NFKBIA: variants seen among roughly 807,000 people sequenced by gnomAD.
The protein encoded by NFKBIA is NF-kappa-B inhibitor alpha.
Under a neutral mutation model 36.3 loss-of-function variants are expected in NFKBIA, and 10 were observed. The observed-to-expected ratio is 0.28, with a 90% CI of 0.17 to 0.47. The LOEUF is 0.47. Ranked by LOEUF, NFKBIA falls within the 20% of genes least tolerant of loss-of-function variation. NFKBIA has a pLI of 0.99. For missense variants in NFKBIA, 355 were observed against 399.3 expected (o/e 0.89, Z 0.94); for synonymous variants, 205 against 164.4 (o/e 1.25, Z -1.89).
intron 1 of NFKBIA, chr14:35,404,033 T>G: frequency 1.8e-6 from 1 of 542,774 alleles, no homozygotes; most frequent in South Asian, 2.0e-5. Flanking sequence ...TCCCGCCAGC[T>G]CGGAACGCCC....
rs961227054 is a variant in NFKBIA at position 35,401,937 on chromosome 14, T to G, written c.*76A>C. The G allele has an allele frequency of 5.1e-6, 8 of 1,566,174 alleles. No individual in the cohort carries two copies. The African/African-American group carries it at 1.1e-4, about 21-fold the overall frequency. ...GTACACCCTTTAAATTTTTTCTTCT[T>G]TTTTCTTTTTTTAGAAAAATAAAAC... is the stretch of plus-strand genomic sequence containing the variant. On this transcript the variant is annotated 3_prime_UTR_variant, in exon 6 of 6. Coordinates refer to ENST00000216797, the MANE Select transcript of NFKBIA (RefSeq NM_020529.3).
rs796572462 is a variant in NFKBIA at position 35,401,935 on chromosome 14, CTTT to C, written c.*75_*77del. On this transcript the variant is annotated 3_prime_UTR_variant, in exon 6 of 6. Transcript: ENST00000216797. ...AAGTACACCCTTTAAATTTTTTCTT[CTTT>C]TTTCTTTTTTTAGAAAAATAAAACT... is the stretch of plus-strand genomic sequence containing the variant. 1.1e-5 allele frequency: 17 copies of C among 1,547,426 alleles called. No individual in the cohort carries two copies. The highest frequency in any genetic ancestry group is 2.3e-5 in the East Asian group (1 of 43,744).
In NFKBIA at chr14:35,404,686, C is replaced by A. The variant is rs1203824461; in HGVS notation, c.-42G>T. On this transcript the variant is annotated 5_prime_UTR_variant, in exon 1 of 6. Coordinates refer to ENST00000216797, the MANE Select transcript of NFKBIA (RefSeq NM_020529.3). ...GGGCGCTGCTGCGGGTGCGCTGGGC[C>A]GCGGGCTGCGCGCTGCTTCCTCGCT... is the stretch of plus-strand genomic sequence containing the variant. The A allele has an allele frequency of 6.1e-6, 8 of 1,312,448 alleles. No homozygotes were observed. In the East Asian group the frequency reaches 2.5e-4, roughly 41 times the overall value. The allele number at this position is 1,312,448 out of a possible 1,614,324, so 81.3% of individuals were successfully genotyped here. A position where few individuals can be genotyped will look rare whatever the true frequency, so the allele number is the denominator to read the frequency against.
intron 1 of NFKBIA, chr14:35,404,166 G>GT (rs2052762396): frequency 2.9e-6 from 1 of 341,900 alleles, no homozygotes; most frequent in Non-Finnish European, 5.3e-6. Flanking sequence ...ACGGGTCTGG[G>GT]GGGAGGGGGC....
intron 2 of NFKBIA, 67 bp downstream of exon 2, chr14:35,403,619 ATCTG>A (rs2052752894): frequency 6.3e-6 from 7 of 1,116,670 alleles, no homozygotes; most frequent in Non-Finnish European, 9.5e-6. Flanking sequence ...TTCAGAAAGG[ATCTG>A]GGGTGACTCT....
At position 35,404,053 on chromosome 14, in the gene NFKBIA, C is replaced by T. The variant is rs1278511754; in HGVS notation, c.228-255G>A. 4 of 512,554 alleles carry T rather than the reference C, an allele frequency of 7.8e-6. No homozygotes were observed. In the Admixed American group the frequency reaches 1.3e-4, roughly 17 times the overall value. The allele number at this position is 512,554 out of a possible 1,614,324, so 31.8% of individuals were successfully genotyped here. On this transcript the variant is annotated intron_variant, in intron 1 of 5. Coordinates refer to ENST00000216797, the MANE Select transcript of NFKBIA (RefSeq NM_020529.3). The stretch of plus-strand genomic sequence containing the variant: ...CCAGCTCGGAACGCCCTGTACTTCC[C>T]CTCCCGGCTGCTCGGCGCCCGCCAG...
chr14:35,402,916 C>G lies in NFKBIA; in HGVS notation c.548-57G>C, dbSNP rs142185967. 711 of 1,510,014 alleles carry G rather than the reference C, an allele frequency of 4.7e-4. 1 individual carries two copies. The African/African-American group carries it at 8.4e-3, about 18-fold the overall frequency. 93.5% of individuals were successfully genotyped at this position (1,510,014 alleles called of 1,614,324 possible). A position where few individuals can be genotyped will look rare whatever the true frequency, so the allele number is the denominator to read the frequency against. ...CCTGTTTCAACCCTCACTCCTTTCACCTATTCTTTTATGGAACAAGTAGTC... is the reference window on the plus strand; with the variant it reads ...CCTGTTTCAACCCTCACTCCTTTCAGCTATTCTTTTATGGAACAAGTAGTC... On this transcript the variant is annotated intron_variant, in intron 3 of 5. Coordinates refer to ENST00000216797, the MANE Select transcript of NFKBIA (RefSeq NM_020529.3).
At chr14:35,403,397 G>T in intron 2 of NFKBIA, 37 bp from the exon 3 acceptor site, 1 of 1,607,806 alleles carries the variant, frequency 6.2e-7, no homozygotes, top group South Asian at 1.1e-5. Context: ...AGTAAGCCAT[G>T]GACCAAACCC....
At chr14:35,403,065 T>C in intron 3 of NFKBIA, 85 bp downstream of exon 3, 5 of 1,477,430 alleles carry the variant, frequency 3.4e-6, no homozygotes, top group East Asian at 2.3e-5. Flanking sequence ...AGCTCTTGCC[T>C]GGACTCCTTA....
chr14:35,402,994 A>G (rs2052744596), intron 3 of NFKBIA, 135 bp from the exon 4 acceptor site: 2 of 1,232,068 alleles, frequency 1.6e-6, no homozygotes, highest in South Asian at 2.5e-5. Flanking sequence ...GAACTTTATA[A>G]AGGCATCCAA....
In NFKBIA at chr14:35,404,518, C is replaced by G. The variant is rs999467784; in HGVS notation, c.127G>C (p.Glu43Gln). ...GLDSMKDEEY[E>Q]QMVKELQEIR... ...TCCTGCAGCTCCTTGACCATCTGCTCGTACTCCTCGTCTTTCATGGAGTCC... is the reference window on the plus strand; with the variant it reads ...TCCTGCAGCTCCTTGACCATCTGCTGGTACTCCTCGTCTTTCATGGAGTCC... The change falls in exon 1 of 6, where the codon GAG becomes CAG. Residue 43 changes from glutamate (E) to glutamine (Q), a missense_variant. Transcript: ENST00000216797. The G allele has an allele frequency of 4.4e-6, 7 of 1,604,256 alleles. No homozygotes were observed. The highest frequency in any genetic ancestry group is 1.3e-5 in the African/African-American group (1 of 74,152).
Position 35,401,717 on chromosome 14 carries a change from TA to T in NFKBIA, c.*295del. ...TCAGTCACTCGAAGCACAATAAATATAAAATGTGGTCCTTCCATGAAATTTT... is the reference window on the plus strand; with the variant it reads ...TCAGTCACTCGAAGCACAATAAATATAAATGTGGTCCTTCCATGAAATTTT... On this transcript the variant is annotated 3_prime_UTR_variant, in exon 6 of 6. Coordinates refer to ENST00000216797, the MANE Select transcript of NFKBIA (RefSeq NM_020529.3). 2.0e-6 allele frequency: 1 copy of T among 492,344 alleles called. No homozygotes were observed. The highest frequency in any genetic ancestry group is 3.6e-6 in the Non-Finnish European group (1 of 274,718). 30.5% of individuals were successfully genotyped at this position (492,344 alleles called of 1,614,324 possible).
intron 2 of NFKBIA, 147 bp from the exon 3 acceptor site, chr14:35,403,507 G>A (rs987450513): frequency 9.5e-6 from 9 of 951,844 alleles, no homozygotes; most frequent in Non-Finnish European, 1.5e-5. Flanking sequence ...CTCCAGGTGG[G>A]TCATAAAGAC....
chr14:35,403,873 G>C, intron 1 of NFKBIA, 75 bp from the exon 2 acceptor site: 2 of 1,114,956 alleles, frequency 1.8e-6, no homozygotes, highest in Non-Finnish European at 1.3e-6. Context: ...CGGGCTGCGG[G>C]GGATTGCGCA....
rs1203824461 is a variant in NFKBIA at position 35,404,686 on chromosome 14, C to T, written c.-42G>A. ...GGGCGCTGCTGCGGGTGCGCTGGGC[C>T]GCGGGCTGCGCGCTGCTTCCTCGCT... On this transcript the variant is annotated 5_prime_UTR_variant, in exon 1 of 6. Transcript: ENST00000216797. 2 of 1,312,448 alleles carry T rather than the reference C, an allele frequency of 1.5e-6. No homozygotes were observed. Among genetic ancestry groups the T allele is most frequent in the Non-Finnish European group, 2.0e-6 (2 of 1,018,740 alleles). The allele number at this position is 1,312,448 out of a possible 1,614,324, so 81.3% of individuals were successfully genotyped here.
chr14:35,403,889 G>T, intron 1 of NFKBIA, 91 bp from the exon 2 acceptor site: 2 of 946,418 alleles, frequency 2.1e-6, no homozygotes, highest in East Asian at 2.5e-5. Flanking sequence ...GCGCAAGGCC[G>T]GGGTTTCTGG....
intron 1 of NFKBIA, 23 bp from the exon 2 acceptor site, chr14:35,403,821 C>A: frequency 6.3e-7 from 1 of 1,576,554 alleles, no homozygotes. Context: ...GAGGGAAAAA[C>A]CCCAGGGGTG....
intron 2 of NFKBIA, 157 bp downstream of exon 2, chr14:35,403,533 G>A (rs377596026): frequency 1.1e-6 from 1 of 883,788 alleles, no homozygotes; most frequent in Middle Eastern, 2.2e-4. Flanking sequence ...CAAATCAGTG[G>A]AATTTCCTTC....
chr14:35,402,919 A>G (rs539501882), intron 3 of NFKBIA, 60 bp from the exon 4 acceptor site: 2 of 1,491,126 alleles, frequency 1.3e-6, no homozygotes, highest in Non-Finnish European at 9.3e-7. Context: ...CCTTTCACCT[A>G]TTCTTTTATG....
Sources: gnomAD v4.1 joint callset for allele counts on GRCh38, gnomAD v4.1.1 for gene constraint, MANE v1.5 for transcripts, NCBI Gene and HGNC (gene_info 2026-07-23, HGNC 2026-07-21) for gene names.